Variants in SLC6A20 observed in about 807,000 individuals in gnomAD.
SLC6A20 encodes solute carrier family 6 member 20, also known as sodium- and chloride-dependent transporter XTRP3.
SLC6A20 carries 73 observed loss-of-function variants against 64.3 expected under a neutral mutation model. The observed-to-expected ratio is 1.14, with a 90% confidence interval of 0.94 to 1.38. SLC6A20 has a LOEUF of 1.38. Among genes scored for constraint, SLC6A20 ranks in the 40% most tolerant of loss-of-function variants. The pLI, the probability that SLC6A20 is intolerant of heterozygous loss-of-function variation, is 0.00. For synonymous variants in SLC6A20, 347 were observed against 329.6 expected, an observed-to-expected ratio of 1.05 and a Z score of -0.57; for missense variants, 725 against 772.8, an observed-to-expected ratio of 0.94 and a Z score of 0.73.
At chr3:45,778,583 C>A (rs1269631421) in intron 3 of SLC6A20, among the ~76,000 whole-genome samples, 1 of 152,158 alleles carries the variant, frequency 6.6e-6, no homozygotes, top group Non-Finnish European at 1.5e-5. Context: ...GGGGGATGAG[C>A]AAATTATTCT....
intron 3 of SLC6A20, among the ~76,000 whole-genome samples, chr3:45,776,695 A>G (rs1299555297): frequency 6.6e-6 from 1 of 152,260 alleles, no homozygotes; most frequent in Non-Finnish European, 1.5e-5. Flanking sequence ...CTTAGTGAGC[A>G]CAGAACCTGA....
At chr3:45,766,601 A>G (rs1282946971) in intron 7 of SLC6A20, among the ~76,000 whole-genome samples, 1 of 152,220 alleles carries the variant, frequency 6.6e-6, no homozygotes, top group Non-Finnish European at 1.5e-5. Context: ...TCCCAATGTG[A>G]CTGTATCTGG....
intron 6 of SLC6A20, 70 bp downstream of exon 6, chr3:45,771,147 C>T: frequency 6.2e-7 from 1 of 1,601,994 alleles, no homozygotes. Flanking sequence ...TTGCCCCAGC[C>T]CTTGCCCAGG....
intron 6 of SLC6A20, 88 bp from the exon 7 acceptor site, chr3:45,770,459 G>A: frequency 5.4e-6 from 8 of 1,486,782 alleles, no homozygotes; most frequent in Non-Finnish European, 7.3e-6. Context: ...TTTCTGATTA[G>A]GTGAGGAAAG....
At chr3:45,760,488 TG>T (rs1286503099) in intron 9 of SLC6A20, among the ~76,000 whole-genome samples, 1 of 151,466 alleles carries the variant, frequency 6.6e-6, no homozygotes, top group Non-Finnish European at 1.5e-5. Flanking sequence ...CAGAATCACT[TG>T]GTCCATTGAA....
chr3:45,786,957 C>T (rs971691604), intron 1 of SLC6A20, among the ~76,000 whole-genome samples: 2 of 152,210 alleles, frequency 1.3e-5, no homozygotes, highest in Non-Finnish European at 2.9e-5. Context: ...AATCCTTACT[C>T]ATCACCACCT....
At chr3:45,760,046 A>G (rs763296340) in intron 9 of SLC6A20, 24 bp from the exon 10 acceptor site, 28 of 1,599,668 alleles carry the variant, frequency 1.8e-5, no homozygotes, top group Non-Finnish European at 2.4e-5. Context: ...AGGGAGAGAA[A>G]GTCTGGATTA....
At chr3:45,763,472 G>C (rs1023365062) in intron 8 of SLC6A20, among the ~76,000 whole-genome samples, 3 of 152,182 alleles carry the variant, frequency 2.0e-5, no homozygotes, top group African/African-American at 7.2e-5. Context: ...TGAATCAGGG[G>C]AGGAGGCTTG....
At chr3:45,776,640 T>A (rs1204540940) in intron 3 of SLC6A20, among the ~76,000 whole-genome samples, 2 of 152,114 alleles carry the variant, frequency 1.3e-5, no homozygotes, top group African/African-American at 4.8e-5. Flanking sequence ...CCTGCTAGCT[T>A]CCAAACCCAA....
intron 3 of SLC6A20, among the ~76,000 whole-genome samples, chr3:45,776,512 C>A (rs528497298): frequency 6.6e-6 from 1 of 152,268 alleles, no homozygotes; most frequent in South Asian, 2.1e-4. Context: ...CTCCACCCTG[C>A]AAAGTCCAGG....
chr3:45,758,824 G>T lies in SLC6A20; in HGVS notation c.*154C>A. Reference sequence around the variant, plus strand: ...CGGGAGGGTGTGCGTTCTCCCAAGGGAGTTTTCTTCCTGCACACCTTCCTC... The same window carrying T: ...CGGGAGGGTGTGCGTTCTCCCAAGGTAGTTTTCTTCCTGCACACCTTCCTC... On this transcript the variant is annotated 3_prime_UTR_variant, in exon 11 of 11. Coordinates refer to ENST00000358525, the MANE Select transcript of SLC6A20 (RefSeq NM_020208.4). 1 of 1,367,232 alleles carries T rather than the reference G, an allele frequency of 7.3e-7. No homozygotes were observed. The highest frequency in any genetic ancestry group is 9.5e-7 in the Non-Finnish European group (1 of 1,057,622). 84.7% of individuals were successfully genotyped at this position (1,367,232 alleles called of 1,614,324 possible).
chr3:45,773,093 C>T (rs891291503), intron 4 of SLC6A20, among the ~76,000 whole-genome samples: 1 of 152,094 alleles, frequency 6.6e-6, no homozygotes, highest in Non-Finnish European at 1.5e-5. Context: ...CAGCTCTGAG[C>T]TTCCTGGTGG....
At chr3:45,762,147 G>C (rs182951129) in intron 9 of SLC6A20, among the ~76,000 whole-genome samples, 176 of 152,346 alleles carry the variant, frequency 1.2e-3, no homozygotes, top group African/African-American at 4.1e-3. Flanking sequence ...GCAGGATGGG[G>C]TGGGCCCGAG....
intron 4 of SLC6A20, among the ~76,000 whole-genome samples, chr3:45,774,556 G>T (rs1264480268): frequency 6.6e-6 from 1 of 152,196 alleles, no homozygotes; most frequent in African/African-American, 2.4e-5. Flanking sequence ...CTAAGAGGCT[G>T]GTCATCAGGG....
intron 3 of SLC6A20, among the ~76,000 whole-genome samples, chr3:45,778,414 G>A (rs551394706): frequency 2.6e-5 from 4 of 152,340 alleles, no homozygotes; most frequent in African/African-American, 9.6e-5. Context: ...TGGGACCATG[G>A]AGGAGGGCTT....
chr3:45,783,608 C>G (rs1575435693), intron 1 of SLC6A20, among the ~76,000 whole-genome samples: 2 of 152,210 alleles, frequency 1.3e-5, no homozygotes, highest in African/African-American at 4.8e-5. Context: ...TGAAATGAAG[C>G]CTGGTCCACT....
At position 45,771,015 on chromosome 3, in the gene SLC6A20, C is replaced by T. The variant is rs146450576; in HGVS notation, c.935+202G>A. Among the ~76,000 whole-genome samples, 1,202 of 152,320 alleles carry T rather than the reference C, an allele frequency of 7.9e-3. 8 individuals are homozygous for T. Among genetic ancestry groups the T allele is most frequent in the Non-Finnish European group, 0.013 (876 of 68,034 alleles). ...CCTATTATGCTAAGTGCTCACAACA[C>T]GCTAACGTGCCCTCATCCCTGCCAG... On this transcript the variant is annotated intron_variant, in intron 6 of 10. Transcript: ENST00000358525.
At chr3:45,795,471 T>A (rs1205576627) in intron 1 of SLC6A20, among the ~76,000 whole-genome samples, 9 of 152,188 alleles carry the variant, frequency 5.9e-5, no homozygotes, top group Admixed American at 5.9e-4. Context: ...ATGGTGACCA[T>A]CCTTCTACCT....
In SLC6A20 at chr3:45,775,780, C is replaced by A. The variant is rs760631089; in HGVS notation, c.563G>T (p.Gly188Val). ...WLVVYLCILR[G>V]TESTGKVVYF... ...TCCCACCTTGCCAGTGGACTCGGTG[C>A]CACGCAGGATGCACAGGTACACCAC... The change falls in exon 4 of 11, where the codon GGC becomes GTC. Residue 188 changes from glycine to valine, a missense_variant. Gly to Val is a moderately radical substitution (Grantham distance 109). Coordinates refer to ENST00000358525, the MANE Select transcript of SLC6A20 (RefSeq NM_020208.4). The A allele has an allele frequency of 6.2e-7, 1 of 1,613,786 alleles. No homozygotes were observed. Among genetic ancestry groups the A allele is most frequent in the South Asian group, 1.1e-5 (1 of 91,068 alleles).
Sources: gnomAD v4.1 joint callset for allele counts (sites outside exome capture counted in the v4.1 genomes callset) on GRCh38, gnomAD v4.1.1 for gene constraint, MANE v1.5 for transcripts, NCBI Gene and HGNC (gene_info 2026-07-23, HGNC 2026-07-21) for gene names.